The following DLG1 variants were observed in gnomAD, a reference collection of about 807,000 sequenced individuals.
DLG1 encodes discs large MAGUK scaffold protein 1.
Under a neutral mutation model 123.4 loss-of-function variants are expected in DLG1, and 42 were observed. That is an observed-to-expected ratio of 0.34 (90% CI 0.27 to 0.44). DLG1 has a LOEUF of 0.44. Among genes scored for constraint, DLG1 ranks in the 20% least tolerant of loss-of-function variants. The probability of loss-of-function intolerance (pLI) is 1.00; values close to 1 mark genes in which losing one functional copy is unlikely to be tolerated. For missense variants in DLG1, 942 were observed against 1,082.6 expected, an observed-to-expected ratio of 0.87 and a Z score of 1.82; for synonymous variants, 317 against 356.2, an observed-to-expected ratio of 0.89 and a Z score of 1.24.
intron 15 of DLG1, 53 bp from the exon 16 acceptor site, chr3:197,085,809 A>G: frequency 6.6e-7 from 1 of 1,524,368 alleles, no homozygotes; most frequent in Non-Finnish European, 8.9e-7. Context: ...ATTAATCAAC[A>G]TATCATAGGG....
chr3:197,069,300 A>G, intron 18 of DLG1, 40 bp from the exon 19 acceptor site: 1 of 1,441,832 alleles, frequency 6.9e-7, no homozygotes, highest in Non-Finnish European at 9.5e-7. Flanking sequence ...AAACAGTGTC[A>G]TGAGTTTAAA....
At chr3:197,297,809 G>A in intron 1 of DLG1, 1 of 985,444 alleles carries the variant, frequency 1.0e-6, no homozygotes, top group Admixed American at 6.1e-5. Flanking sequence ...CAAAGTTCCG[G>A]TGAGCGGCGT....
At chr3:197,179,220 A>G (rs59677595) in intron 5 of DLG1, among the ~76,000 whole-genome samples, 9,660 of 152,230 alleles carry the variant, frequency 0.063, 346 homozygotes, top group African/African-American at 0.081. Context: ...GGGATTTAGG[A>G]TCTAAAAATA....
intron 13 of DLG1, among the ~76,000 whole-genome samples, 192 bp downstream of exon 13, chr3:197,115,735 C>T (rs1772910861): frequency 6.6e-6 from 1 of 152,098 alleles, no homozygotes; most frequent in African/African-American, 2.4e-5. Context: ...TAAAAACTGA[C>T]CCCTTTCTAT....
At chr3:197,238,056 G>A (rs1358839390) in intron 4 of DLG1, among the ~76,000 whole-genome samples, 4 of 152,186 alleles carry the variant, frequency 2.6e-5, no homozygotes, top group Non-Finnish European at 5.9e-5. Context: ...TATCCCAACA[G>A]GAGTGAGGAG....
At chr3:197,276,853 T>C (rs1212743030) in intron 4 of DLG1, among the ~76,000 whole-genome samples, 1 of 152,104 alleles carries the variant, frequency 6.6e-6, no homozygotes, top group Non-Finnish European at 1.5e-5. Context: ...AAAGCCTTCC[T>C]TATTAAAAAT....
intron 5 of DLG1, among the ~76,000 whole-genome samples, chr3:197,166,879 C>T (rs1179506915): frequency 1.3e-5 from 2 of 151,454 alleles, no homozygotes; most frequent in African/African-American, 4.9e-5. Flanking sequence ...GCAATAAGAG[C>T]GAAACTCCGT....
chr3:197,070,178 T>C (rs909667318), intron 18 of DLG1: 13 of 152,068 alleles, frequency 8.5e-5, no homozygotes, highest in Admixed American at 5.2e-4. Context: ...AATACTTTTA[T>C]TTTTAAAAAA....
chr3:197,068,029 T>C (rs928866608), intron 19 of DLG1, among the ~76,000 whole-genome samples: 1 of 152,236 alleles, frequency 6.6e-6, no homozygotes, highest in Admixed American at 6.5e-5. Flanking sequence ...TTACCATGAA[T>C]TTTGCAATTG....
At chr3:197,191,380 C>G (rs1402647414) in intron 5 of DLG1, among the ~76,000 whole-genome samples, 1 of 152,134 alleles carries the variant, frequency 6.6e-6, no homozygotes, top group African/African-American at 2.4e-5. Flanking sequence ...CAACGGAAAG[C>G]TGAGGTTTCA....
At chr3:197,172,305 AATG>A (rs1398894308) in intron 5 of DLG1, among the ~76,000 whole-genome samples, 5 of 152,210 alleles carry the variant, frequency 3.3e-5, no homozygotes, top group Non-Finnish European at 4.4e-5. Context: ...AATACTTCAG[AATG>A]ATAATTAACA....
intron 11 of DLG1, among the ~76,000 whole-genome samples, chr3:197,123,130 C>T (rs539567321): frequency 1.1e-4 from 16 of 152,210 alleles, no homozygotes; most frequent in African/African-American, 3.9e-4. Flanking sequence ...AAAAATCTCT[C>T]ATTACATGCA....
intron 22 of DLG1, among the ~76,000 whole-genome samples, chr3:197,061,410 T>C (rs1210738276): frequency 6.6e-6 from 1 of 152,206 alleles, no homozygotes; most frequent in African/African-American, 2.4e-5. Flanking sequence ...TCGTATTTCT[T>C]AAAAACAATG....
chr3:197,138,618 A>G lies in DLG1; in HGVS notation c.714-227T>C, dbSNP rs966965083. 2.0e-4 allele frequency among the ~76,000 whole-genome samples: 30 copies of G among 152,108 alleles called. 1 individual carries two copies. Among genetic ancestry groups the G allele is most frequent in the Non-Finnish European group, 2.9e-5 (2 of 67,998 alleles). On this transcript the variant is annotated intron_variant, in intron 8 of 24. Coordinates refer to ENST00000667157, the MANE Select transcript of DLG1 (RefSeq NM_001366207.1). ...AGGAACAAAAGAAATAGTGAAAATA[A>G]TAGATTATATAAAAATGTTAAATAA...
At chr3:197,162,804 G>A (rs1799328506) in intron 5 of DLG1, among the ~76,000 whole-genome samples, 1 of 152,108 alleles carries the variant, frequency 6.6e-6, no homozygotes, top group East Asian at 1.9e-4. Flanking sequence ...CCGTGGATTT[G>A]GTAATGGAAC....
At chr3:197,253,680 G>T (rs1015146134) in intron 4 of DLG1, among the ~76,000 whole-genome samples, 1 of 152,098 alleles carries the variant, frequency 6.6e-6, no homozygotes, top group Non-Finnish European at 1.5e-5. Context: ...TGGTTGCTTT[G>T]AGTTAAGAAG....
intron 5 of DLG1, among the ~76,000 whole-genome samples, chr3:197,180,867 G>A (rs978413796): frequency 6.6e-6 from 1 of 152,120 alleles, no homozygotes; most frequent in Admixed American, 6.5e-5. Context: ...TATTTTGGAA[G>A]GCCAGGAGAT....
intron 5 of DLG1, among the ~76,000 whole-genome samples, chr3:197,180,419 G>T (rs13081715): frequency 0.24 from 36,651 of 151,960 alleles, 5,600 homozygotes; most frequent in East Asian, 0.72. Context: ...GACGCTGAGG[G>T]TGCGGAACCA....
At chr3:197,248,952 G>C (rs1320615106) in intron 4 of DLG1, among the ~76,000 whole-genome samples, 1 of 151,990 alleles carries the variant, frequency 6.6e-6, no homozygotes, top group Admixed American at 6.6e-5. Flanking sequence ...ACTGCACTCT[G>C]GCCTAGGCTA....
Sources: gnomAD v4.1 joint callset for allele counts (sites outside exome capture counted in the v4.1 genomes callset) on GRCh38, gnomAD v4.1.1 for gene constraint, MANE v1.5 for transcripts, NCBI Gene and HGNC (gene_info 2026-07-23, HGNC 2026-07-21) for gene names.